Variants in MTCL3 observed in about 807,000 individuals in gnomAD.
MTCL3 encodes the protein microtubule cross-linking factor 3.
the MTCL3 span, among the ~76,000 whole-genome samples, chr6:127,502,595 T>C: frequency 7.2e-5 from 11 of 152,160 alleles, no homozygotes; most frequent in Non-Finnish European, 1.3e-4. Context: ...AGAAAAAGCA[T>C]TTCAAAGTTC....
At chr6:127,491,707 CA>C in the MTCL3 span, among the ~76,000 whole-genome samples, 11 of 151,602 alleles carry the variant, frequency 7.3e-5, no homozygotes, top group Non-Finnish European at 4.4e-5. Context: ...TTTATCTCTA[CA>C]AAAATTTTTT....
chr6:127,496,614 T>G, the MTCL3 span, among the ~76,000 whole-genome samples: 99,773 of 152,048 alleles, frequency 0.66, 32,957 homozygotes, highest in East Asian at 0.74. Context: ...CCAAGGACTT[T>G]CACAGTAATA....
At chr6:127,501,861 A>G in the MTCL3 span, among the ~76,000 whole-genome samples, 1 of 152,362 alleles carries the variant, frequency 6.6e-6, no homozygotes, top group East Asian at 1.9e-4. Context: ...GAAGCATCAA[A>G]TAAATAATTG....
the MTCL3 span, among the ~76,000 whole-genome samples, chr6:127,479,163 G>T: frequency 3.3e-5 from 5 of 152,122 alleles, no homozygotes; most frequent in African/African-American, 1.2e-4. Flanking sequence ...TGCTAAACAA[G>T]GGGTGGATTA....
chr6:127,506,674 G>A, the MTCL3 span, among the ~76,000 whole-genome samples: 14,548 of 151,958 alleles, frequency 0.096, 781 homozygotes, highest in African/African-American at 0.14. Context: ...TCCGCCTCTC[G>A]GGTTCATAAC....
chr6:127,476,326 A>T, the MTCL3 span: 2 of 1,614,214 alleles, frequency 1.2e-6, no homozygotes, highest in Non-Finnish European at 1.7e-6. The surrounding 1 kb of genome is among the most constrained non-coding windows in gnomAD (Gnocchi z 4.4). Context: ...AGGACTGTCC[A>T]GATCCCCATA....
At chr6:127,504,679 C>T in the MTCL3 span, among the ~76,000 whole-genome samples, 36 of 152,226 alleles carry the variant, frequency 2.4e-4, no homozygotes, top group Non-Finnish European at 2.8e-4. Context: ...TAATTGAGGT[C>T]TTTTCTGCAT....
the MTCL3 span, among the ~76,000 whole-genome samples, chr6:127,489,672 T>C: frequency 1.3e-5 from 2 of 152,266 alleles, no homozygotes; most frequent in Non-Finnish European, 2.9e-5. Context: ...AACATCCCCT[T>C]AAGCCAAAGC....
At chr6:127,508,869 A>T in the MTCL3 span, among the ~76,000 whole-genome samples, 1 of 152,210 alleles carries the variant, frequency 6.6e-6, no homozygotes, top group Non-Finnish European at 1.5e-5. Flanking sequence ...ACCTCATGAC[A>T]GGCAGTGATC....
the MTCL3 span, among the ~76,000 whole-genome samples, chr6:127,478,491 T>C: frequency 6.6e-6 from 1 of 152,166 alleles, no homozygotes; most frequent in South Asian, 2.1e-4. Flanking sequence ...GTGAAGAATG[T>C]GGGTTTAAGG....
the MTCL3 span, among the ~76,000 whole-genome samples, chr6:127,498,703 A>C: frequency 9.3e-4 from 141 of 152,346 alleles, 1 homozygote; most frequent in African/African-American, 3.1e-3. Context: ...AATAAACAAA[A>C]TGTGGTATAT....
chr6:127,500,522 T>A, the MTCL3 span, among the ~76,000 whole-genome samples: 1 of 126,022 alleles, frequency 7.9e-6, no homozygotes, highest in Non-Finnish European at 1.8e-5. Flanking sequence ...ATACCTATAA[T>A]TTTTTTTAAC....
At chr6:127,498,014 A>G in the MTCL3 span, among the ~76,000 whole-genome samples, 1 of 152,174 alleles carries the variant, frequency 6.6e-6, no homozygotes, top group Non-Finnish European at 1.5e-5. Flanking sequence ...AAAACATTGA[A>G]GTGAATCTTC....
the MTCL3 span, among the ~76,000 whole-genome samples, chr6:127,508,869 A>C: frequency 6.6e-6 from 1 of 152,210 alleles, no homozygotes; most frequent in Non-Finnish European, 1.5e-5. Flanking sequence ...ACCTCATGAC[A>C]GGCAGTGATC....
At chr6:127,479,085 G>A in the MTCL3 span, among the ~76,000 whole-genome samples, 1 of 151,468 alleles carries the variant, frequency 6.6e-6, no homozygotes, top group Non-Finnish European at 1.5e-5. Flanking sequence ...TTTGGGAGGG[G>A]AAATCTAAGG....
chr6:127,486,318 C>G, the MTCL3 span, among the ~76,000 whole-genome samples: 1 of 152,208 alleles, frequency 6.6e-6, no homozygotes, highest in South Asian at 2.1e-4. Flanking sequence ...GTGTAAGTAT[C>G]ACATTTGCAT....
At chr6:127,476,583 CAGAG>C in the MTCL3 span, 2 of 768,170 alleles carry the variant, frequency 2.6e-6, no homozygotes, top group Non-Finnish European at 4.1e-6. The surrounding 1 kb of genome is among the most constrained non-coding windows in gnomAD (Gnocchi z 4.4). Context: ...GATTTAATGA[CAGAG>C]AGAAACAGAA....
chr6:127,478,519 G>A, the MTCL3 span, among the ~76,000 whole-genome samples: 1 of 152,220 alleles, frequency 6.6e-6, no homozygotes, highest in Non-Finnish European at 1.5e-5. Context: ...AATGCTGTCT[G>A]TGAGGTGTTC....
At chr6:127,477,373 A>C in the MTCL3 span, among the ~76,000 whole-genome samples, 5 of 152,218 alleles carry the variant, frequency 3.3e-5, no homozygotes, top group Non-Finnish European at 7.3e-5. Context: ...TCTCTGAGGG[A>C]TATTACTGAA....
Sources: gnomAD v4.1 joint callset for allele counts (sites outside exome capture counted in the v4.1 genomes callset) on GRCh38, gnomAD v4.1.1 for gene constraint, Gnocchi (gnomAD v3.1) non-coding constraint, MANE v1.5 for transcripts, NCBI Gene and HGNC (gene_info 2026-07-23, HGNC 2026-07-21) for gene names.